Variants in RAB8B observed in about 807,000 individuals in gnomAD.
RAB8B encodes RAB8B, member RAS oncogene family.
A neutral mutation model predicts 32.0 loss-of-function variants in RAB8B; 11 were observed. That is an observed-to-expected ratio of 0.34 (90% confidence interval 0.22 to 0.57). RAB8B has a LOEUF of 0.57. RAB8B is among the 20% of genes least tolerant of loss of function. The probability of loss-of-function intolerance (pLI) is 0.86; values close to 1 mark genes in which losing one functional copy is unlikely to be tolerated. For synonymous variants in RAB8B, 103 were observed against 89.6 expected (o/e 1.15, Z -0.85); for missense variants, 190 against 258.5 (o/e 0.73, Z 1.82).
Position 63,248,129 on chromosome 15 carries a change from C to T in RAB8B, c.186-1516C>T, listed in dbSNP as rs1455484470. Among the ~76,000 whole-genome samples, 3 of 152,132 alleles carry T rather than the reference C, an allele frequency of 2.0e-5. No homozygotes were observed. Among genetic ancestry groups the T allele is most frequent in the Admixed American group, 1.3e-4 (2 of 15,282 alleles). ...AACAAGTGCCCCATGCATCTAATGC[C>T]GATCAAAGAAAATGACAGGATAAGA... On this transcript the variant is annotated intron_variant, in intron 2 of 7. Transcript: ENST00000321437. This position sits in a 1 kb window ranked among gnomAD's most constrained non-coding sequence, Gnocchi z 4.4.
At chr15:63,222,603 T>G (rs1350644567) in intron 1 of RAB8B, among the ~76,000 whole-genome samples, 3 of 152,212 alleles carry the variant, frequency 2.0e-5, no homozygotes, top group Admixed American at 2.0e-4. Context: ...AGTGGCACAA[T>G]CTTGGCTCAC....
At chr15:63,231,368 C>T (rs1595743048) in intron 1 of RAB8B, among the ~76,000 whole-genome samples, 1 of 152,254 alleles carries the variant, frequency 6.6e-6, no homozygotes, top group East Asian at 1.9e-4. Flanking sequence ...ATCAGTTTCA[C>T]TGCATTTTTG....
At position 63,266,147 on chromosome 15, in the gene RAB8B, T is replaced by C. The variant is rs1454511932; in HGVS notation, c.*2528T>C. On this transcript the variant is annotated 3_prime_UTR_variant, in exon 8 of 8. Coordinates refer to ENST00000321437, the MANE Select transcript of RAB8B (RefSeq NM_016530.3). ...AAACTGAAGAAATCTAGTTTTTTTG[T>C]GAACATTTTTGTGGTCTTATGGATA... is the stretch of plus-strand genomic sequence containing the variant. 1.3e-5 allele frequency: 2 copies of C among 152,608 alleles called. No homozygotes were observed. Among genetic ancestry groups the C allele is most frequent in the Non-Finnish European group, 2.9e-5 (2 of 67,996 alleles). The allele number at this position is 152,608 out of a possible 1,614,324, so 9.5% of individuals were successfully genotyped here. A position where few individuals can be genotyped will look rare whatever the true frequency, so the allele number is the denominator to read the frequency against.
chr15:63,263,206 G>A (rs569895510), intron 7 of RAB8B, among the ~76,000 whole-genome samples: 1 of 152,274 alleles, frequency 6.6e-6, no homozygotes, highest in Non-Finnish European at 1.5e-5. Flanking sequence ...GTCTATGCCA[G>A]TATCTTAACA....
At chr15:63,240,626 A>G (rs2038024369) in intron 1 of RAB8B, among the ~76,000 whole-genome samples, 1 of 151,772 alleles carries the variant, frequency 6.6e-6, no homozygotes, top group South Asian at 2.1e-4. Context: ...ATATGGTGCT[A>G]ATTTGACTTT....
At chr15:63,257,737 A>C (rs980770427) in intron 5 of RAB8B, among the ~76,000 whole-genome samples, 1 of 151,980 alleles carries the variant, frequency 6.6e-6, no homozygotes, top group Non-Finnish European at 1.5e-5. Context: ...TTAGTATTTA[A>C]GTTTTTGTTC....
Position 63,249,788 on chromosome 15 carries a change from T to C in RAB8B, c.246+83T>C, listed in dbSNP as rs2038099519. The C allele has an allele frequency of 2.9e-6, 4 of 1,397,574 alleles. No individual in the cohort carries two copies. In the South Asian group the frequency reaches 4.8e-5, roughly 17 times the overall value. 86.6% of individuals were successfully genotyped at this position (1,397,574 alleles called of 1,614,324 possible). The stretch of plus-strand genomic sequence containing the variant: ...TTTGCCAAGATTATAGGATTCAAGA[T>C]GGAGTCTAGTATGTAGAAAAATAAA... On this transcript the variant is annotated intron_variant, in intron 3 of 7. Coordinates refer to ENST00000321437, the MANE Select transcript of RAB8B (RefSeq NM_016530.3).
At chr15:63,231,290 T>C (rs2037934359) in intron 1 of RAB8B, among the ~76,000 whole-genome samples, 1 of 152,228 alleles carries the variant, frequency 6.6e-6, no homozygotes, top group Non-Finnish European at 1.5e-5. Context: ...TTTATTTTTT[T>C]AGCTTTCATT....
At chr15:63,200,901 C>T (rs756575443) in intron 1 of RAB8B, among the ~76,000 whole-genome samples, 7 of 152,170 alleles carry the variant, frequency 4.6e-5, no homozygotes, top group East Asian at 1.9e-4. Context: ...ACAGTCTGGG[C>T]GTAGTCAACA....
At chr15:63,251,401 A>C in intron 3 of RAB8B, 1 of 440,506 alleles carries the variant, frequency 2.3e-6, no homozygotes, top group East Asian at 7.1e-5. Flanking sequence ...AGTTTTTTGC[A>C]TGCTAGGAAT....
chr15:63,256,781 T>C (rs2038162152), intron 5 of RAB8B, among the ~76,000 whole-genome samples, 187 bp downstream of exon 5: 1 of 152,250 alleles, frequency 6.6e-6, no homozygotes, highest in Non-Finnish European at 1.5e-5. Flanking sequence ...CAGCTCTCTA[T>C]ACTGTGTGGT....
rs2038244985 is a variant in RAB8B, at chr15:63,266,104, A to AT, written c.*2487dup. On this transcript the variant is annotated 3_prime_UTR_variant, in exon 8 of 8. Transcript: ENST00000321437. ...TTGTAGATGAATTTAATGACAGATA[A>AT]TTGTCTGTTCCCCGCTGAAACTGAA... The AT allele has an allele frequency of 6.6e-6, 1 of 152,560 alleles. No individual in the cohort carries two copies. The highest frequency in any genetic ancestry group is 2.1e-4 in the South Asian group (1 of 4,832). 9.5% of individuals were successfully genotyped at this position (152,560 alleles called of 1,614,324 possible).
At chr15:63,238,052 A>G (rs1019907367) in intron 1 of RAB8B, among the ~76,000 whole-genome samples, 1 of 151,828 alleles carries the variant, frequency 6.6e-6, no homozygotes, top group African/African-American at 2.4e-5. Context: ...GTAGATATAT[A>G]GATTTATCTC....
In RAB8B at chr15:63,264,281, T is replaced by C. The variant is rs1046310813; in HGVS notation, c.*662T>C. On this transcript the variant is annotated 3_prime_UTR_variant, in exon 8 of 8. Transcript: ENST00000321437. ...GCTGAATGAATCACTTTAAAATGATTACCTCTGCCTAATCTATAGAAACTG... is the reference window on the plus strand; with the variant it reads ...GCTGAATGAATCACTTTAAAATGATCACCTCTGCCTAATCTATAGAAACTG... 6.6e-6 allele frequency: 1 copy of C among 152,218 alleles called. No individual in the cohort carries two copies. The highest frequency in any genetic ancestry group is 1.5e-5 in the Non-Finnish European group (1 of 68,034). The allele number at this position is 152,218 out of a possible 1,614,324, so 9.4% of individuals were successfully genotyped here.
Position 63,226,831 on chromosome 15 carries a change from A to G in RAB8B, c.125-17925A>G, listed in dbSNP as rs796915515. ...AAAGTAAATGAGTAAAAGAATGGCTACTCCATAGACAGAGCTGCCCCAAGG... is the reference window on the plus strand; with the variant it reads ...AAAGTAAATGAGTAAAAGAATGGCTGCTCCATAGACAGAGCTGCCCCAAGG... On this transcript the variant is annotated intron_variant, in intron 1 of 7. Coordinates refer to ENST00000321437, the MANE Select transcript of RAB8B (RefSeq NM_016530.3). Among the ~76,000 whole-genome samples the G allele has an allele frequency of 2.9e-4, 44 of 152,158 alleles. 1 individual carries two copies. Among genetic ancestry groups the G allele is most frequent in the African/African-American group, 1.0e-3 (42 of 41,524 alleles).
chr15:63,211,943 C>T (rs773051754), intron 1 of RAB8B, among the ~76,000 whole-genome samples: 17 of 152,104 alleles, frequency 1.1e-4, no homozygotes, highest in Admixed American at 3.9e-4. Flanking sequence ...GTGATTCTCC[C>T]ACCTCAGCTT....
intron 1 of RAB8B, among the ~76,000 whole-genome samples, chr15:63,229,780 CAAAAA>C (rs56015501): frequency 2.8e-5 from 1 of 35,986 alleles, no homozygotes. Flanking sequence ...GACGCTGTTT[CAAAAA>C]AAAAAAAAAA....
chr15:63,191,029 T>C (rs370909060), intron 1 of RAB8B, among the ~76,000 whole-genome samples: 6 of 152,356 alleles, frequency 3.9e-5, no homozygotes, highest in East Asian at 1.9e-4. Context: ...AAGTCAAAGC[T>C]GGTTTTAAGC....
chr15:63,219,004 A>ATTTT (rs71131152), intron 1 of RAB8B, among the ~76,000 whole-genome samples: 19,709 of 93,546 alleles, frequency 0.21, 4,931 homozygotes, highest in Non-Finnish European at 0.28. Context: ...CCAGCAGTGG[A>ATTTT]TTTTTTTTTT....
Sources: allele counts gnomAD v4.1 joint callset (sites outside exome capture counted in the v4.1 genomes callset), GRCh38; gene constraint gnomAD v4.1.1; non-coding constraint Gnocchi (gnomAD v3.1); transcripts MANE v1.5; gene names NCBI Gene and HGNC (gene_info 2026-07-23, HGNC 2026-07-21).